Variants in PTPRD observed in about 807,000 individuals in gnomAD.
PTPRD encodes receptor-type tyrosine-protein phosphatase delta.
A neutral mutation model predicts 214.5 loss-of-function variants in PTPRD; 34 were observed. That is an observed-to-expected ratio of 0.16 (90% CI 0.12 to 0.21). The LOEUF (loss-of-function observed/expected upper bound fraction) is 0.21. Ranked by LOEUF, PTPRD falls within the 10% of genes least tolerant of loss-of-function variation. The probability of loss-of-function intolerance (pLI) is 1.00; values close to 1 mark genes in which losing one functional copy is unlikely to be tolerated. For missense variants in PTPRD, 2,545 were observed against 2,398.7 expected (o/e 1.06, Z -1.27); for synonymous variants, 1,128 against 845.7 (o/e 1.33, Z -5.79).
At chr9:9,066,807 G>C (rs1456913178) in intron 10 of PTPRD, among the ~76,000 whole-genome samples, 1 of 152,218 alleles carries the variant, frequency 6.6e-6, no homozygotes, top group Non-Finnish European at 1.5e-5. Flanking sequence ...GCAGAACTTT[G>C]CGAAGCAGTG....
chr9:10,506,918 G>C (rs760029942), intron 2 of PTPRD, among the ~76,000 whole-genome samples: 12 of 151,992 alleles, frequency 7.9e-5, no homozygotes, highest in Non-Finnish European at 1.5e-4. Context: ...GGCATATATT[G>C]AATACCCTTA....
chr9:8,495,907 T>C (rs917996983), intron 26 of PTPRD, among the ~76,000 whole-genome samples: 3 of 152,200 alleles, frequency 2.0e-5, no homozygotes, highest in Admixed American at 1.3e-4. Context: ...ATTTTTCTTT[T>C]TATTTCTTCT....
Position 8,914,518 on chromosome 9 carries a change from G to T in PTPRD, c.-104+104179C>A, listed in dbSNP as rs10116490. Among the ~76,000 whole-genome samples, 1,145 of 152,148 alleles carry T rather than the reference G, an allele frequency of 7.5e-3. 11 individuals are homozygous for T. The highest frequency in any genetic ancestry group is 0.024 in the African/African-American group (1,014 of 41,534). On this transcript the variant is annotated intron_variant, in intron 11 of 45. Transcript: ENST00000381196. ...TACTCTTTAAGCTCAGAAATATGTA[G>T]AGTGATAGGGGTCGAGATAAATCTG...
rs374953375 is a variant in PTPRD, at chr9:8,692,172, TAAAC to T, written c.64+41604_64+41607del. Among the ~76,000 whole-genome samples the T allele has an allele frequency of 6.0e-4, 92 of 152,256 alleles. 1 individual carries two copies. Among genetic ancestry groups the T allele is most frequent in the African/African-American group, 2.1e-3 (89 of 41,562 alleles). ...GATTAGTAATAAAAAATAATGAAAA[TAAAC>T]TAAGTAAAGAGCCAGCAGGTGGATT... On this transcript the variant is annotated intron_variant, in intron 12 of 45. Transcript: ENST00000381196.
intron 39 of PTPRD, among the ~76,000 whole-genome samples, chr9:8,364,327 T>A (rs1382629144): frequency 2.0e-5 from 3 of 152,234 alleles, no homozygotes; most frequent in East Asian, 1.9e-4. Context: ...TGGGTTATCA[T>A]TGGACAGTGT....
intron 7 of PTPRD, among the ~76,000 whole-genome samples, chr9:9,652,828 G>A (rs2096399873): frequency 6.6e-6 from 1 of 151,752 alleles, no homozygotes; most frequent in Admixed American, 6.6e-5. Flanking sequence ...TAGACAGGCT[G>A]CTCTCAAACT....
At chr9:8,682,520 AAAAAG>A (rs2097570756) in intron 12 of PTPRD, among the ~76,000 whole-genome samples, 2 of 151,236 alleles carry the variant, frequency 1.3e-5, no homozygotes, top group African/African-American at 2.4e-5. Context: ...TTTTGCAATT[AAAAAG>A]AAAACTATAT....
At chr9:8,401,099 C>T (rs1265278288) in intron 36 of PTPRD, among the ~76,000 whole-genome samples, 2 of 151,994 alleles carry the variant, frequency 1.3e-5, no homozygotes, top group Non-Finnish European at 2.9e-5. Context: ...TTATGCACAT[C>T]CAAGTATTAG....
chr9:9,360,723 T>C (rs1236947534), intron 9 of PTPRD, among the ~76,000 whole-genome samples: 2 of 151,238 alleles, frequency 1.3e-5, no homozygotes, highest in Admixed American at 1.3e-4. Flanking sequence ...TATTATATTT[T>C]CTATAAATAA....
intron 4 of PTPRD, among the ~76,000 whole-genome samples, chr9:9,993,893 T>C (rs1450303161): frequency 6.6e-6 from 1 of 152,186 alleles, no homozygotes; most frequent in South Asian, 2.1e-4. Flanking sequence ...ATGGTGATCA[T>C]GGCAAAGAAA....
In PTPRD at chr9:8,376,685, G is replaced by C. The variant is rs745835445; in HGVS notation, c.4428C>G (p.Thr1476=). 2.5e-6 allele frequency: 4 copies of C among 1,613,006 alleles called. No individual in the cohort carries two copies. The highest frequency in any genetic ancestry group is 1.7e-5 in the Admixed American group (1 of 59,854). ...DQYWPSRGTE[T]HGLVQVTLLD... ...GCAGCGTTACTTGAACGAGTCCGTG[G>C]GTTTCTGTGCCTCTGCTAGGCCAAT... The change falls in exon 38 of 46, where the codon ACC becomes ACG. Residue 1476 remains threonine, a synonymous_variant. Transcript: ENST00000381196.
At chr9:8,942,017 G>A (rs560063817) in intron 11 of PTPRD, among the ~76,000 whole-genome samples, 33 of 152,180 alleles carry the variant, frequency 2.2e-4, no homozygotes, top group African/African-American at 8.0e-4. Flanking sequence ...TGTTGGCTAG[G>A]CTGGTCTCCA....
At chr9:9,391,860 T>C (rs2065951517) in intron 9 of PTPRD, among the ~76,000 whole-genome samples, 1 of 152,186 alleles carries the variant, frequency 6.6e-6, no homozygotes, top group Non-Finnish European at 1.5e-5. Context: ...CCTTTCTGCC[T>C]TCTTATTTGG....
At chr9:9,656,502 G>A (rs150096486) in intron 7 of PTPRD, among the ~76,000 whole-genome samples, 214 of 152,120 alleles carry the variant, frequency 1.4e-3, no homozygotes, top group African/African-American at 4.7e-3. Flanking sequence ...GAAAGAAGCT[G>A]ATCTTAAAGG....
At position 8,774,102 on chromosome 9, in the gene PTPRD, G is replaced by A. The variant is rs7874344; in HGVS notation, c.-103-40156C>T. 7.1e-3 allele frequency among the ~76,000 whole-genome samples: 1,085 copies of A among 152,186 alleles called. 5 individuals carry two copies. The highest frequency in any genetic ancestry group is 0.012 in the Non-Finnish European group (800 of 68,014). ...ATGTAAATATCTATTTCCCCACCTT[G>A]GACAAGCTCCTCAGATATGTTTCCT... is the stretch of plus-strand genomic sequence containing the variant. On this transcript the variant is annotated intron_variant, in intron 11 of 45. Coordinates refer to ENST00000381196, the MANE Select transcript of PTPRD (RefSeq NM_002839.4).
intron 2 of PTPRD, among the ~76,000 whole-genome samples, chr9:10,564,687 C>G (rs529301405): frequency 7.4e-4 from 113 of 152,100 alleles, no homozygotes; most frequent in African/African-American, 2.7e-3. Flanking sequence ...CTTTTGATTC[C>G]CAAATTCACT....
At chr9:9,855,516 A>G (rs182172603) in intron 5 of PTPRD, among the ~76,000 whole-genome samples, 1 of 152,206 alleles carries the variant, frequency 6.6e-6, no homozygotes, top group Non-Finnish European at 1.5e-5. Flanking sequence ...GTAAAGCAGG[A>G]TATTTTCCTG....
At chr9:8,557,572 G>A (rs1261824835) in intron 14 of PTPRD, among the ~76,000 whole-genome samples, 3 of 149,034 alleles carry the variant, frequency 2.0e-5, no homozygotes, top group African/African-American at 7.5e-5. Context: ...GCGAAACCAT[G>A]TCTCTATTAA....
chr9:9,447,722 G>C (rs2090916136), intron 8 of PTPRD, among the ~76,000 whole-genome samples: 1 of 152,094 alleles, frequency 6.6e-6, no homozygotes, highest in Non-Finnish European at 1.5e-5. Context: ...AATAAAACAT[G>C]TGTCATTTGA....
Sources: allele counts gnomAD v4.1 joint callset (sites outside exome capture counted in the v4.1 genomes callset), GRCh38; gene constraint gnomAD v4.1.1; transcripts MANE v1.5; gene names NCBI Gene and HGNC (gene_info 2026-07-23, HGNC 2026-07-21).